The following STON2 variants were observed in gnomAD, a reference collection of about 807,000 sequenced individuals.
The protein encoded by STON2 is stonin 2.
In STON2, 29 loss-of-function variants were observed where a neutral mutation model predicts 65.7. That is an observed-to-expected ratio of 0.44 (90% confidence interval 0.33 to 0.60). The LOEUF is 0.60. STON2 is among the 20% of genes least tolerant of loss of function. The pLI is 0.03. For missense variants in STON2, 1,054 were observed against 1,118.1 expected, an observed-to-expected ratio of 0.94 and a Z score of 0.82; for synonymous variants, 404 against 414.2, an observed-to-expected ratio of 0.98 and a Z score of 0.30.
chr14:81,297,304 AG>A (rs1310787003), intron 5 of STON2, among the ~76,000 whole-genome samples: 1 of 152,138 alleles, frequency 6.6e-6, no homozygotes, highest in East Asian at 1.9e-4. Flanking sequence ...TATTTTAGTA[AG>A]GGGGGACACT....
At chr14:81,326,467 A>G (rs988783137) in intron 4 of STON2, among the ~76,000 whole-genome samples, 5 of 151,944 alleles carry the variant, frequency 3.3e-5, no homozygotes, top group African/African-American at 1.2e-4. Context: ...CTAAAAGTAT[A>G]TACCTTGTTA....
chr14:81,435,899 C>T (rs983385879), intron 1 of STON2, among the ~76,000 whole-genome samples: 10 of 152,168 alleles, frequency 6.6e-5, no homozygotes, highest in African/African-American at 2.4e-4. Context: ...AGGCGGGGCG[C>T]GGCGCCAACC....
intron 4 of STON2, among the ~76,000 whole-genome samples, chr14:81,341,817 A>C (rs1897625253): frequency 6.6e-6 from 1 of 152,172 alleles, no homozygotes; most frequent in Non-Finnish European, 1.5e-5. Context: ...CCCTAATCTA[A>C]ATTATGCCAC....
In STON2 at chr14:81,265,210, T is replaced by G; in HGVS notation, c.*3204A>C. The G allele has an allele frequency of 1.0e-6, 1 of 984,666 alleles. No homozygotes were observed. Among genetic ancestry groups the G allele is most frequent in the Non-Finnish European group, 1.2e-6 (1 of 829,278 alleles). 61.0% of individuals were successfully genotyped at this position (984,666 alleles called of 1,614,324 possible). Reference sequence around the variant, plus strand: ...TGCCCACTTGTATTTTCTTTAGAAGTTATTTAAACCTAGTAAAACACTCAT... The same window carrying G: ...TGCCCACTTGTATTTTCTTTAGAAGGTATTTAAACCTAGTAAAACACTCAT... On this transcript the variant is annotated 3_prime_UTR_variant, in exon 8 of 8. Coordinates refer to ENST00000614646, the MANE Select transcript of STON2 (RefSeq NM_001394390.1).
chr14:81,330,659 A>G (rs1233946462), intron 4 of STON2, among the ~76,000 whole-genome samples: 2 of 152,130 alleles, frequency 1.3e-5, no homozygotes, highest in African/African-American at 4.8e-5. Flanking sequence ...CCTCACCCAC[A>G]CTGCATTCCA....
rs570044344 is a variant in STON2, at chr14:81,409,547, T to C, written c.-198-10967A>G. Reference sequence around the variant, plus strand: ...TTACAATTAGTATATAGTTCCAGAATGCAAAGAACTTCATGGGTTATTTCA... The same window carrying C: ...TTACAATTAGTATATAGTTCCAGAACGCAAAGAACTTCATGGGTTATTTCA... On this transcript the variant is annotated intron_variant, in intron 2 of 8. Coordinates refer to the STON2 transcript ENST00000553821. Among the ~76,000 whole-genome samples, 10 of 152,292 alleles carry C rather than the reference T, an allele frequency of 6.6e-5. No individual in the cohort carries two copies. In the South Asian group the frequency reaches 2.1e-3, roughly 32 times the overall value.
intron 5 of STON2, among the ~76,000 whole-genome samples, chr14:81,314,837 T>C (rs919998437): frequency 2.0e-5 from 3 of 152,196 alleles, no homozygotes; most frequent in Non-Finnish European, 4.4e-5. Flanking sequence ...ATAAAAATAA[T>C]ACCTCTTTGT....
chr14:81,366,752 TG>T (rs745658987), intron 4 of STON2, among the ~76,000 whole-genome samples: 24 of 152,038 alleles, frequency 1.6e-4, no homozygotes, highest in Non-Finnish European at 2.8e-4. Flanking sequence ...CAGCTTTCTT[TG>T]GGGGTAACAG....
intron 2 of STON2, among the ~76,000 whole-genome samples, chr14:81,420,953 T>C (rs982531866): frequency 1.3e-5 from 2 of 152,078 alleles, no homozygotes; most frequent in African/African-American, 4.8e-5. Context: ...CCCCAACCCC[T>C]GCAGTGTGTG....
At chr14:81,370,048 T>A (rs1405894923) in intron 4 of STON2, among the ~76,000 whole-genome samples, 1 of 152,086 alleles carries the variant, frequency 6.6e-6, no homozygotes, top group African/African-American at 2.4e-5. Flanking sequence ...TCTGCAACAT[T>A]ATCAAATACC....
At chr14:81,330,261 T>C (rs181481679) in intron 4 of STON2, among the ~76,000 whole-genome samples, 243 of 152,288 alleles carry the variant, frequency 1.6e-3, no homozygotes, top group Non-Finnish European at 2.9e-3. Flanking sequence ...TGAGAGGTGC[T>C]GGTCTGGCAC....
At chr14:81,365,020 C>G (rs1159905355) in intron 4 of STON2, among the ~76,000 whole-genome samples, 1 of 152,176 alleles carries the variant, frequency 6.6e-6, no homozygotes, top group Non-Finnish European at 1.5e-5. Context: ...GAGCCCCCAG[C>G]CCATCCCATG....
rs184871805 is a variant in STON2 at position 81,319,574 on chromosome 14, A to G, written c.742+4443T>C. The stretch of plus-strand genomic sequence containing the variant: ...TCAAGTCAGTAATGAACTCTGAACC[A>G]CCTGAGTGTTATTTGTTTAAGTATA... On this transcript the variant is annotated intron_variant, in intron 5 of 7. Transcript: ENST00000614646. 9.2e-4 allele frequency among the ~76,000 whole-genome samples: 140 copies of G among 152,334 alleles called. 1 individual carries two copies. The East Asian group carries it at 0.013, about 14-fold the overall frequency.
Position 81,261,698 on chromosome 14 carries a change from C to T in STON2, c.*6716G>A. 7.8e-7 allele frequency: 1 copy of T among 1,277,416 alleles called. No individual in the cohort carries two copies. The highest frequency in any genetic ancestry group is 2.0e-5 in the South Asian group (1 of 49,230). The allele number at this position is 1,277,416 out of a possible 1,614,324, so 79.1% of individuals were successfully genotyped here. On this transcript the variant is annotated 3_prime_UTR_variant, in exon 8 of 8. Coordinates refer to ENST00000614646, the MANE Select transcript of STON2 (RefSeq NM_001394390.1). ...ATTGATTATCCTATCATCCCCAGTACTTGGAGGGTTAGACCTACTTCTGTG... is the reference window on the plus strand; with the variant it reads ...ATTGATTATCCTATCATCCCCAGTATTTGGAGGGTTAGACCTACTTCTGTG...
intron 4 of STON2, among the ~76,000 whole-genome samples, chr14:81,328,958 A>G (rs920816671): frequency 6.6e-6 from 1 of 152,176 alleles, no homozygotes; most frequent in Non-Finnish European, 1.5e-5. Context: ...AAGAACCATG[A>G]GCCAAATATC....
upstream of STON2, among the ~76,000 whole-genome samples, chr14:81,405,024 T>G (rs558037275): frequency 4.3e-4 from 66 of 152,324 alleles, no homozygotes; most frequent in African/African-American, 1.5e-3. Context: ...TTTCTCTTTA[T>G]CTTTCATTTT....
At chr14:81,302,723 C>A (rs971431784) in intron 5 of STON2, among the ~76,000 whole-genome samples, 3 of 152,308 alleles carry the variant, frequency 2.0e-5, no homozygotes, top group East Asian at 1.9e-4. Flanking sequence ...CAAGAGACAG[C>A]GGACTTGTGC....
At chr14:81,371,686 AAAAAAG>A (rs1566931800) in intron 3 of STON2, among the ~76,000 whole-genome samples, 2 of 151,134 alleles carry the variant, frequency 1.3e-5, no homozygotes, top group East Asian at 3.9e-4. Context: ...TAAAAAAAAA[AAAAAAG>A]AAAAGAAAAG....
chr14:81,366,483 A>C (rs1898733662), intron 4 of STON2, among the ~76,000 whole-genome samples: 1 of 152,102 alleles, frequency 6.6e-6, no homozygotes, highest in African/African-American at 2.4e-5. Flanking sequence ...GGGAGAGCCC[A>C]GCTCAGCTGA....
Sources: allele counts gnomAD v4.1 joint callset (sites outside exome capture counted in the v4.1 genomes callset), GRCh38; gene constraint gnomAD v4.1.1; transcripts MANE v1.5; gene names NCBI Gene and HGNC (gene_info 2026-07-23, HGNC 2026-07-21).